Variants in PABPC4 observed in about 807,000 individuals in gnomAD.
PABPC4 encodes the protein poly(A) binding protein cytoplasmic 4, also known as polyadenylate-binding protein 4.
Under a neutral mutation model 74.5 loss-of-function variants are expected in PABPC4, and 15 were observed. The ratio of observed to expected loss-of-function variants is 0.20; its 90% CI spans 0.13 to 0.31. The LOEUF (loss-of-function observed/expected upper bound fraction) is 0.31. Among genes scored for constraint, PABPC4 ranks in the 10% least tolerant of loss-of-function variants. The pLI is 1.00. For synonymous variants in PABPC4, 345 were observed against 303.0 expected (o/e 1.14, Z -1.44); for missense variants, 610 against 853.5 (o/e 0.71, Z 3.55).
chr1:39,568,658 A>G (rs1226176838), intron 6 of PABPC4, 144 bp downstream of exon 6: 1 of 737,430 alleles, frequency 1.4e-6, no homozygotes, highest in Non-Finnish European at 2.3e-6. Context: ...GTAGGTATAT[A>G]TCCTTTTAAA....
At chr1:39,570,063 C>A in intron 3 of PABPC4, 61 bp from the exon 4 acceptor site, 18 of 1,526,966 alleles carry the variant, frequency 1.2e-5, no homozygotes, top group Non-Finnish European at 1.6e-5. Flanking sequence ...TGTCCAGGGA[C>A]CCAAAGGAAT....
In PABPC4 at chr1:39,575,959, C is replaced by G; in HGVS notation, c.-8G>C. On this transcript the variant is annotated 5_prime_UTR_variant, in exon 1 of 16. Transcript: ENST00000372858. ...GCTGGCCGCAGCGTTCATCTCCCCG[C>G]CCCCCACCACCCCGAGCCCCGCCAG... The G allele has an allele frequency of 6.6e-7, 1 of 1,524,810 alleles. No homozygotes were observed. Among genetic ancestry groups the G allele is most frequent in the Non-Finnish European group, 8.8e-7 (1 of 1,130,340 alleles). 94.5% of individuals were successfully genotyped at this position (1,524,810 alleles called of 1,614,324 possible). A position where few individuals can be genotyped will look rare whatever the true frequency, so the allele number is the denominator to read the frequency against.
Position 39,572,409 on chromosome 1 carries a change from T to C in PABPC4, c.371A>G (p.Asn124Ser). 1 of 1,612,394 alleles carries C rather than the reference T, an allele frequency of 6.2e-7. No individual in the cohort carries two copies. The highest frequency in any genetic ancestry group is 1.3e-5 in the African/African-American group (1 of 75,030). Residue 124 changes from asparagine (N) to serine (S), a missense_variant, in exon 2 of 16, where the codon AAC (asparagine) becomes AGC (serine). Coordinates refer to ENST00000372858, the MANE Select transcript of PABPC4 (RefSeq NM_001135653.2). ...ALYDTFSAFGNILSCKVVCDE... is the reference protein window; with the variant it reads ...ALYDTFSAFGSILSCKVVCDE... ...AATGTTTACCTTGCAGGACAGTATG[T>C]TTCCAAAAGCAGAAAAAGTATCATA...
Position 39,565,102 on chromosome 1 carries a change from C to T in PABPC4, c.1245+4G>A. The T allele has an allele frequency of 6.2e-7, 1 of 1,613,342 alleles. No homozygotes were observed. Among genetic ancestry groups the T allele is most frequent in the South Asian group, 1.1e-5 (1 of 91,058 alleles). ...CAAGAGCTGTGACCAAACAGCACAC[C>T]CACCTGTGGGACTGCTGGCACAAAG... On this transcript the variant is annotated splice_donor_region_variant and intron_variant, in intron 8 of 15. Coordinates refer to ENST00000372858, the MANE Select transcript of PABPC4 (RefSeq NM_001135653.2).
intron 7 of PABPC4, among the ~76,000 whole-genome samples, chr1:39,566,578 CTTAG>C (rs1197859295): frequency 1.3e-5 from 2 of 152,154 alleles, no homozygotes; most frequent in African/African-American, 2.4e-5. Flanking sequence ...TGTTTTATGT[CTTAG>C]TTAATGGCCC....
At chr1:39,574,055 G>C (rs375827745) in intron 1 of PABPC4, among the ~76,000 whole-genome samples, 9 of 152,118 alleles carry the variant, frequency 5.9e-5, no homozygotes, top group African/African-American at 1.9e-4. Context: ...TCACTTAAAG[G>C]GGGGACAAAA....
chr1:39,576,396 G>C lies in PABPC4; in HGVS notation c.-445C>G, dbSNP rs1364910587. On this transcript the variant is annotated 5_prime_UTR_variant, in exon 1 of 16. Transcript: ENST00000372858. ...GCGGTTTAAGATTACAACCGCCGGG[G>C]CAGAGGGAAACCAAATCTTTGTGGG... 2 of 152,446 alleles carry C rather than the reference G, an allele frequency of 1.3e-5. No individual in the cohort carries two copies. Among genetic ancestry groups the C allele is most frequent in the Non-Finnish European group, 2.9e-5 (2 of 68,306 alleles). 9.4% of individuals were successfully genotyped at this position (152,446 alleles called of 1,614,324 possible).
At chr1:39,573,962 T>G (rs1645978579) in intron 1 of PABPC4, among the ~76,000 whole-genome samples, 2 of 152,130 alleles carry the variant, frequency 1.3e-5, no homozygotes, top group African/African-American at 2.4e-5. Flanking sequence ...CTCCTAACGG[T>G]GACATCACCC....
chr1:39,564,576 G>C (rs1381342797), intron 9 of PABPC4, 34 bp from the exon 10 acceptor site: 1 of 1,613,546 alleles, frequency 6.2e-7, no homozygotes, highest in Non-Finnish European at 8.5e-7. Flanking sequence ...TCATTGAGAA[G>C]TGATGTGGAC....
intron 7 of PABPC4, among the ~76,000 whole-genome samples, chr1:39,566,127 A>C (rs1192251144): frequency 1.3e-5 from 2 of 152,104 alleles, no homozygotes; most frequent in Non-Finnish European, 1.5e-5. Flanking sequence ...CTAATAATAA[A>C]ACCAGGAACT....
chr1:39,574,114 G>T (rs1036292904), intron 1 of PABPC4, among the ~76,000 whole-genome samples: 1 of 152,152 alleles, frequency 6.6e-6, no homozygotes. Flanking sequence ...TTAGCCGGGA[G>T]AATTTATTTT....
chr1:39,566,184 C>A (rs1394868714), intron 7 of PABPC4, among the ~76,000 whole-genome samples: 1 of 152,168 alleles, frequency 6.6e-6, no homozygotes, highest in East Asian at 1.9e-4. Context: ...CGGGTAACCA[C>A]AAAACATCTT....
chr1:39,568,718 AAAAG>A (rs1375008067), intron 6 of PABPC4, 80 bp downstream of exon 6: 20 of 1,377,400 alleles, frequency 1.5e-5, no homozygotes, highest in South Asian at 1.2e-4. Context: ...CAAGTCCTCA[AAAAG>A]AAAGCCCGCT....
intron 5 of PABPC4, 193 bp downstream of exon 5, chr1:39,569,402 G>A: frequency 1.7e-6 from 1 of 597,024 alleles, no homozygotes; most frequent in Non-Finnish European, 3.0e-6. Flanking sequence ...TGACAGGTAT[G>A]TGCCAAGTGC....
At chr1:39,571,495 G>T in intron 2 of PABPC4, 146 bp from the exon 3 acceptor site, 1 of 796,060 alleles carries the variant, frequency 1.3e-6, no homozygotes, top group Non-Finnish European at 2.0e-6. Flanking sequence ...CTAACACCTA[G>T]CACAGCACCA....
chr1:39,564,001 A>C, intron 10 of PABPC4, 79 bp from the exon 11 acceptor site: 2 of 1,372,996 alleles, frequency 1.5e-6, no homozygotes, highest in Non-Finnish European at 2.1e-6. Context: ...GAGAAATTTC[A>C]AAGCACGTTT....
In PABPC4 at chr1:39,575,044, G is replaced by A. The variant is rs72932170; in HGVS notation, c.193+715C>T. 1.9e-3 allele frequency among the ~76,000 whole-genome samples: 283 copies of A among 152,288 alleles called. 1 individual carries two copies. The highest frequency in any genetic ancestry group is 6.5e-3 in the African/African-American group (269 of 41,560). On this transcript the variant is annotated intron_variant, in intron 1 of 15. Coordinates refer to ENST00000372858, the MANE Select transcript of PABPC4 (RefSeq NM_001135653.2). ...ACTAGTGCAAAGCACTGTTACAGCTGAGGTGACAAATGACACCAGATTTTC... is the reference window on the plus strand; with the variant it reads ...ACTAGTGCAAAGCACTGTTACAGCTAAGGTGACAAATGACACCAGATTTTC...
chr1:39,576,748 G>A lies in PABPC4; in HGVS notation c.-797C>T, dbSNP rs1397219649. ...TCTCTTTTTTTCCTCAGGCTGCGAAGCCCGAAAGCGGCGGAGGCGGCAGCG... is the reference window on the plus strand; with the variant it reads ...TCTCTTTTTTTCCTCAGGCTGCGAAACCCGAAAGCGGCGGAGGCGGCAGCG... On this transcript the variant is annotated 5_prime_UTR_variant, in exon 1 of 16. Coordinates refer to ENST00000372858, the MANE Select transcript of PABPC4 (RefSeq NM_001135653.2). 1 of 149,924 alleles carries A rather than the reference G, an allele frequency of 6.7e-6. No homozygotes were observed. The highest frequency in any genetic ancestry group is 1.5e-5 in the Non-Finnish European group (1 of 67,350). 9.3% of individuals were successfully genotyped at this position (149,924 alleles called of 1,614,324 possible).
intron 1 of PABPC4, among the ~76,000 whole-genome samples, chr1:39,574,992 C>T (rs1174920041): frequency 6.6e-6 from 1 of 152,234 alleles, no homozygotes; most frequent in East Asian, 1.9e-4. Flanking sequence ...CCATTTTCTT[C>T]AGATTAGATG....
Sources: gnomAD v4.1 joint callset for allele counts (sites outside exome capture counted in the v4.1 genomes callset) on GRCh38, gnomAD v4.1.1 for gene constraint, MANE v1.5 for transcripts, NCBI Gene and HGNC (gene_info 2026-07-23, HGNC 2026-07-21) for gene names.